Variants in SPECC1 observed in about 807,000 individuals in gnomAD.
The protein encoded by SPECC1 is cytospin-B.
A neutral mutation model predicts 104.1 loss-of-function variants in SPECC1; 62 were observed. That is an observed-to-expected ratio of 0.60 (90% CI 0.49 to 0.74). The LOEUF (loss-of-function observed/expected upper bound fraction) is 0.74. SPECC1 is among the 30% of genes least tolerant of loss of function. The pLI, the probability that SPECC1 is intolerant of heterozygous loss-of-function variation, is 0.00. For missense variants in SPECC1, 1,306 were observed against 1,310.5 expected, an observed-to-expected ratio of 1.00 and a Z score of 0.05; for synonymous variants, 513 against 501.6, an observed-to-expected ratio of 1.02 and a Z score of -0.30.
At chr17:20,190,545 TTTCC>T (rs2035596641) in intron 3 of SPECC1, among the ~76,000 whole-genome samples, 1 of 152,142 alleles carries the variant, frequency 6.6e-6, no homozygotes, top group Non-Finnish European at 1.5e-5. Context: ...AAGTACAAGT[TTTCC>T]TATAGTGTAC....
Position 20,253,487 on chromosome 17 carries a change from T to TC in SPECC1, c.2599-13dup. The TC allele has an allele frequency of 1.2e-6, 2 of 1,613,326 alleles. No individual in the cohort carries two copies. The highest frequency in any genetic ancestry group is 1.7e-6 in the Non-Finnish European group (2 of 1,179,752). ...ATGTTATGAGCTCACCGTGCTGGTGTCCCCCTGGTTTTTACAGAGGCATTC... is the reference window on the plus strand; with the variant it reads ...ATGTTATGAGCTCACCGTGCTGGTGTCCCCCCTGGTTTTTACAGAGGCATTC... On this transcript the variant is annotated splice_polypyrimidine_tract_variant and intron_variant, in intron 9 of 14. Transcript: ENST00000395527.
chr17:20,140,177 A>G (rs544438797), intron 3 of SPECC1, among the ~76,000 whole-genome samples: 1 of 152,184 alleles, frequency 6.6e-6, no homozygotes, highest in Non-Finnish European at 1.5e-5. Flanking sequence ...TATACTTTTA[A>G]ACATTTTATT....
chr17:20,202,462 G>A (rs945905664), intron 3 of SPECC1, among the ~76,000 whole-genome samples: 38 of 152,284 alleles, frequency 2.5e-4, no homozygotes, highest in African/African-American at 9.1e-4. Flanking sequence ...ACCCCTGACA[G>A]CATTGAATTG....
chr17:20,212,103 T>G (rs889209022), intron 4 of SPECC1, among the ~76,000 whole-genome samples: 9 of 152,254 alleles, frequency 5.9e-5, no homozygotes, highest in Admixed American at 5.2e-4. Context: ...CTTTGAGTTT[T>G]CTAACAGCCT....
rs1597624779 is a variant in SPECC1 at position 20,056,326 on chromosome 17, G to T, written c.-21-40305G>T. ...CCTGTGAGGCCACCTGGTGCGGCTT[G>T]GGAACCCGCAGAAGCCTGCACTGAA... On this transcript the variant is annotated intron_variant, in intron 1 of 14. Transcript: ENST00000395527. 7 of 189,764 alleles carry T rather than the reference G, an allele frequency of 3.7e-5. No individual in the cohort carries two copies. The East Asian group carries it at 4.0e-4, about 11-fold the overall frequency. The allele number at this position is 189,764 out of a possible 1,614,324, so 11.8% of individuals were successfully genotyped here.
intron 3 of SPECC1, among the ~76,000 whole-genome samples, chr17:20,179,825 A>G (rs946921541): frequency 6.6e-6 from 1 of 152,220 alleles, no homozygotes; most frequent in African/African-American, 2.4e-5. Flanking sequence ...CATTGCATAC[A>G]TAAATGGAAG....
intron 12 of SPECC1, among the ~76,000 whole-genome samples, chr17:20,275,298 A>AAAAC (rs2040539836): frequency 6.6e-6 from 1 of 152,168 alleles, no homozygotes; most frequent in African/African-American, 2.4e-5. Flanking sequence ...TCAGTTATTG[A>AAAAC]TGAGACATTT....
Position 20,015,584 on chromosome 17 carries a change from A to ATTTTTTTTTTTT in SPECC1, c.-22+6167_-22+6178dup, listed in dbSNP as rs1222758913. Among the ~76,000 whole-genome samples, 8 of 102,078 alleles carry ATTTTTTTTTTTT rather than the reference A, an allele frequency of 7.8e-5. 1 individual carries two copies. The highest frequency in any genetic ancestry group is 2.4e-4 in the Admixed American group (2 of 8,224). The allele number at this position is 102,078 out of a possible 152,430, so 67.0% of individuals were successfully genotyped here. ...CATATTTTTAACTTTCCGGGTCTCT[A>ATTTTTTTTTTTT]TTTTTTTTTTTTTTTTTTGAGGTGG... On this transcript the variant is annotated intron_variant, in intron 1 of 14. Coordinates refer to ENST00000395527, the MANE Select transcript of SPECC1 (RefSeq NM_001243439.2).
chr17:20,080,881 G>C (rs980459863), intron 1 of SPECC1, among the ~76,000 whole-genome samples: 3 of 151,996 alleles, frequency 2.0e-5, no homozygotes, highest in African/African-American at 4.8e-5. Context: ...ATCAGTGCAG[G>C]GGGGGGTGGT....
chr17:20,290,035 C>T (rs1268937880), intron 12 of SPECC1, among the ~76,000 whole-genome samples: 1 of 151,968 alleles, frequency 6.6e-6, no homozygotes, highest in Non-Finnish European at 1.5e-5. Context: ...CTCCTTTTTC[C>T]TGTGTTGTTT....
intron 4 of SPECC1, among the ~76,000 whole-genome samples, chr17:20,207,144 C>T (rs2036841346): frequency 1.3e-5 from 2 of 152,168 alleles, no homozygotes; most frequent in Admixed American, 1.3e-4. Flanking sequence ...AAAACATCTT[C>T]CTACCTTAGT....
intron 1 of SPECC1, among the ~76,000 whole-genome samples, chr17:20,016,939 T>G (rs2044156712): frequency 6.6e-6 from 1 of 152,144 alleles, no homozygotes; most frequent in Non-Finnish European, 1.5e-5. Flanking sequence ...GGATTGTAAA[T>G]ACACCAGTCA....
chr17:20,129,737 G>A (rs1408003665), intron 3 of SPECC1, among the ~76,000 whole-genome samples: 1 of 151,632 alleles, frequency 6.6e-6, no homozygotes, highest in African/African-American at 2.4e-5. Flanking sequence ...TGTTGTTGTT[G>A]TTGTTGTTGT....
intron 2 of SPECC1, among the ~76,000 whole-genome samples, chr17:20,107,581 C>T (rs1486806652): frequency 1.3e-5 from 2 of 151,628 alleles, no homozygotes; most frequent in African/African-American, 2.4e-5. Flanking sequence ...CTCAGCCTCC[C>T]GAGTAGCTGG....
intron 14 of SPECC1, among the ~76,000 whole-genome samples, chr17:20,306,567 T>C (rs2041771786): frequency 6.6e-6 from 1 of 152,168 alleles, no homozygotes; most frequent in Admixed American, 6.5e-5. Context: ...CTGATCTTCT[T>C]AGTGAAAGCA....
intron 13 of SPECC1, among the ~76,000 whole-genome samples, chr17:20,304,609 G>A (rs537265495): frequency 6.6e-6 from 1 of 152,234 alleles, no homozygotes; most frequent in South Asian, 2.1e-4. Context: ...GAACGTGATG[G>A]TAGAAAGGAG....
At chr17:20,249,265 A>G (rs1281533209) in intron 9 of SPECC1, among the ~76,000 whole-genome samples, 1 of 152,086 alleles carries the variant, frequency 6.6e-6, no homozygotes, top group Non-Finnish European at 1.5e-5. Flanking sequence ...TAAAAATACA[A>G]AAATCAACTG....
At chr17:20,188,311 T>A (rs976814855) in intron 3 of SPECC1, among the ~76,000 whole-genome samples, 2 of 151,494 alleles carry the variant, frequency 1.3e-5, no homozygotes, top group Non-Finnish European at 2.9e-5. Flanking sequence ...CAGGCTGGAG[T>A]GCAGTGGTGT....
chr17:20,041,363 C>G (rs1328197378), intron 1 of SPECC1, among the ~76,000 whole-genome samples: 1 of 151,998 alleles, frequency 6.6e-6, no homozygotes, highest in Non-Finnish European at 1.5e-5. Flanking sequence ...CTGCCTCGGC[C>G]TCCTGAGTAG....
Sources: gnomAD v4.1 joint callset for allele counts (sites outside exome capture counted in the v4.1 genomes callset) on GRCh38, gnomAD v4.1.1 for gene constraint, MANE v1.5 for transcripts, NCBI Gene and HGNC (gene_info 2026-07-23, HGNC 2026-07-21) for gene names.